The following ADA variants were observed in gnomAD, a reference collection of about 807,000 sequenced individuals.
ADA encodes the protein adenosine deaminase.
A neutral mutation model predicts 49.0 loss-of-function variants in ADA; 45 were observed. The observed-to-expected ratio is 0.92, with a 90% CI of 0.72 to 1.18. The LOEUF is 1.18. Ranked by LOEUF, ADA falls within the 50% of genes most tolerant of loss-of-function variation. The pLI, the probability that ADA is intolerant of heterozygous loss-of-function variation, is 0.00. For missense variants in ADA, 445 were observed against 472.5 expected (o/e 0.94, Z 0.54); for synonymous variants, 173 against 184.2 (o/e 0.94, Z 0.49).
chr20:44,621,013 C>T lies in ADA; in HGVS notation c.975+5G>A. 1 of 1,614,006 alleles carries T rather than the reference C, an allele frequency of 6.2e-7. No homozygotes were observed. The highest frequency in any genetic ancestry group is 1.1e-5 in the South Asian group (1 of 91,068). Reference sequence around the variant, plus strand: ...TCAAGGCCAGTATGGCTCACACCCACTCACCAGCCTTTTAAACTCCTCTTC... The same window carrying T: ...TCAAGGCCAGTATGGCTCACACCCATTCACCAGCCTTTTAAACTCCTCTTC... On this transcript the variant is annotated splice_donor_5th_base_variant and intron_variant, in intron 10 of 11. Transcript: ENST00000372874.
intron 1 of ADA, among the ~76,000 whole-genome samples, chr20:44,647,479 T>G (rs2007515): frequency 0.52 from 78,567 of 151,816 alleles, 21,457 homozygotes; most frequent in East Asian, 0.65. Flanking sequence ...AGCCTGTACC[T>G]GTTCACTTGC....
At chr20:44,632,351 A>C (rs991132623) in intron 2 of ADA, among the ~76,000 whole-genome samples, 3 of 152,144 alleles carry the variant, frequency 2.0e-5, no homozygotes, top group African/African-American at 7.2e-5. Flanking sequence ...GGCTGAAAGC[A>C]CTGGGAAGGC....
At chr20:44,628,230 G>C (rs1393045098) in intron 3 of ADA, among the ~76,000 whole-genome samples, 1 of 152,150 alleles carries the variant, frequency 6.6e-6, no homozygotes, top group Non-Finnish European at 1.5e-5. Context: ...TGCATCTTCA[G>C]GATGAGGATG....
In ADA at chr20:44,629,419, T is replaced by A. The variant is rs1295732988; in HGVS notation, c.96-250A>T. Among the ~76,000 whole-genome samples the A allele has an allele frequency of 2.8e-5, 3 of 108,890 alleles. No homozygotes were observed. In the East Asian group the frequency reaches 7.7e-4, roughly 28 times the overall value. 71.4% of individuals were successfully genotyped at this position (108,890 alleles called of 152,430 possible). A position where few individuals can be genotyped will look rare whatever the true frequency, so the allele number is the denominator to read the frequency against. ...CTCAAGGGGGATAAACAGGTTGAAG[T>A]GTGTGTGTGTGTGTGTGTGTATGTG... is the stretch of plus-strand genomic sequence containing the variant. On this transcript the variant is annotated intron_variant, in intron 2 of 11. Transcript: ENST00000372874.
At chr20:44,622,708 C>T in intron 8 of ADA, 56 bp from the exon 9 acceptor site, 1 of 1,612,824 alleles carries the variant, frequency 6.2e-7, no homozygotes, top group Non-Finnish European at 8.5e-7. Context: ...CTGATTCCTC[C>T]CCCCATGTCT....
intron 1 of ADA, among the ~76,000 whole-genome samples, 172 bp downstream of exon 1, chr20:44,651,403 C>T (rs2145366691): frequency 6.6e-6 from 1 of 152,360 alleles, no homozygotes; most frequent in South Asian, 2.1e-4. Flanking sequence ...TTCTCTGCCC[C>T]ATTGTCCCTG....
In ADA at chr20:44,619,935, G is replaced by A. The variant is rs1432944864; in HGVS notation, c.1079-88C>T. 4 of 1,547,586 alleles carry A rather than the reference G, an allele frequency of 2.6e-6. No homozygotes were observed. The Admixed American group carries it at 6.8e-5, about 26-fold the overall frequency. ...AATCATAGAACACCAGAACCAGAAA[G>A]GAACTCCTTCCTATGATGGCAAGAA... is the stretch of plus-strand genomic sequence containing the variant. On this transcript the variant is annotated intron_variant, in intron 11 of 11. Coordinates refer to ENST00000372874, the MANE Select transcript of ADA (RefSeq NM_000022.4).
At chr20:44,642,783 C>T (rs972042115) in intron 1 of ADA, among the ~76,000 whole-genome samples, 1 of 152,278 alleles carries the variant, frequency 6.6e-6, no homozygotes, top group Middle Eastern at 3.4e-3. Flanking sequence ...ATTTGAATAA[C>T]ATGCGGGAAG....
At chr20:44,636,758 A>G (rs940740493) in intron 1 of ADA, among the ~76,000 whole-genome samples, 2 of 152,188 alleles carry the variant, frequency 1.3e-5, no homozygotes, top group Non-Finnish European at 2.9e-5. Context: ...CAGATGTCCC[A>G]AACTAGGGAA....
chr20:44,647,744 C>G (rs937217174), intron 1 of ADA, among the ~76,000 whole-genome samples: 4 of 151,948 alleles, frequency 2.6e-5, no homozygotes, highest in Non-Finnish European at 4.4e-5. Context: ...TGGTGAAACC[C>G]TGTCTCTACT....
chr20:44,624,401 G>C (rs549087711), intron 5 of ADA, 72 bp from the exon 6 acceptor site: 69 of 1,602,788 alleles, frequency 4.3e-5, no homozygotes, highest in Admixed American at 1.7e-4. Flanking sequence ...CCTGCCTGCT[G>C]TCCCACCCAA....
Position 44,626,517 on chromosome 20 carries a change from G to C in ADA, c.301C>G (p.Arg101Gly), listed in dbSNP as rs121908717. Residue 101 changes from arginine to glycine, a missense_variant, in exon 4 of 12, where the codon CGG becomes GGG. By Grantham distance (125) the Arg-to-Gly change is moderately radical. Transcript: ENST00000372874. The part of the protein sequence containing the change: ...AKEGVVYVEV[R>G]YSPHLLANSK... ...TTGGCCAGCAGGTGCGGACTGTACC[G>C]CACCTCCACATACACCACGCCCTCT... 1.2e-6 allele frequency: 2 copies of C among 1,614,126 alleles called. No individual in the cohort carries two copies. The highest frequency in any genetic ancestry group is 1.7e-6 in the Non-Finnish European group (2 of 1,180,016).
chr20:44,637,990 A>G (rs57377766), intron 1 of ADA, among the ~76,000 whole-genome samples: 4,124 of 151,974 alleles, frequency 0.027, 77 homozygotes, highest in African/African-American at 0.057. Context: ...AGGGACCTCA[A>G]CTCTCTGAGC....
intron 6 of ADA, 88 bp downstream of exon 6, chr20:44,624,114 G>T (rs1009878074): frequency 1.1e-5 from 16 of 1,521,224 alleles, no homozygotes; most frequent in Non-Finnish European, 1.3e-5. Context: ...AGACACCATG[G>T]TCCCTGGTTC....
Position 44,623,014 on chromosome 20 carries a change from A to G in ADA, c.671T>C (p.Val224Ala). 4.3e-6 allele frequency: 7 copies of G among 1,614,036 alleles called. No individual in the cohort carries two copies. Among genetic ancestry groups the G allele is most frequent in the Non-Finnish European group, 5.9e-6 (7 of 1,180,002 alleles). Residue 224 changes from valine to alanine, a missense_variant, in exon 7 of 12, where the codon GTA becomes GCA. By Grantham distance (64) the Val-to-Ala change is moderately conservative. Coordinates refer to ENST00000372874, the MANE Select transcript of ADA (RefSeq NM_000022.4). ...GCCAGCCCAGGCCCTCACCTCTTTT[A>G]CTACTTCGGCCGAGCCCACCTCCCC... ...HAGEVGSAEV[V>A]KEAVDILKTE...
At chr20:44,626,411 C>T (rs2145319545) in intron 4 of ADA, 45 bp downstream of exon 4, 1 of 1,612,550 alleles carries the variant, frequency 6.2e-7, no homozygotes. Context: ...AGCTGAGCCT[C>T]CCAGCCACAC....
chr20:44,638,289 A>G (rs959541684), intron 1 of ADA, among the ~76,000 whole-genome samples: 4 of 152,186 alleles, frequency 2.6e-5, no homozygotes, highest in Admixed American at 6.5e-5. Flanking sequence ...CTAAAAGTCA[A>G]TGAAGGCTGG....
chr20:44,631,170 C>G (rs754062074), intron 2 of ADA, among the ~76,000 whole-genome samples: 8 of 152,162 alleles, frequency 5.3e-5, no homozygotes, highest in Non-Finnish European at 1.0e-4. Flanking sequence ...CCTAAGCCCC[C>G]TGAATGTGCT....
In ADA at chr20:44,620,973, A is replaced by G. The variant is rs910125341; in HGVS notation, c.975+45T>C. The G allele has an allele frequency of 1.6e-5, 26 of 1,611,912 alleles. No homozygotes were observed. In the Admixed American group the frequency reaches 2.7e-4, roughly 17 times the overall value. Reference sequence around the variant, plus strand: ...CCCGGACTGGACCTGTAGATACCATACTCCCAAACCCGAGTCAAGGCCAGT... The same window carrying G: ...CCCGGACTGGACCTGTAGATACCATGCTCCCAAACCCGAGTCAAGGCCAGT... On this transcript the variant is annotated intron_variant, in intron 10 of 11. Coordinates refer to ENST00000372874, the MANE Select transcript of ADA (RefSeq NM_000022.4).
Sources: allele counts gnomAD v4.1 joint callset (sites outside exome capture counted in the v4.1 genomes callset), GRCh38; gene constraint gnomAD v4.1.1; transcripts MANE v1.5; gene names NCBI Gene and HGNC (gene_info 2026-07-23, HGNC 2026-07-21).